Variants in ARL15 observed in about 807,000 individuals in gnomAD.
ARL15 encodes the protein ARF like GTPase 15.
Under a neutral mutation model 25.2 loss-of-function variants are expected in ARL15, and 19 were observed. The ratio of observed to expected loss-of-function variants is 0.75; its 90% CI spans 0.53 to 1.10. The LOEUF (loss-of-function observed/expected upper bound fraction) is 1.10. ARL15 is among the 50% of genes least tolerant of loss of function. The pLI, the probability that ARL15 is intolerant of heterozygous loss-of-function variation, is 0.00. For missense variants in ARL15, 220 were observed against 246.0 expected, an observed-to-expected ratio of 0.89 and a Z score of 0.71; for synonymous variants, 94 against 86.8, an observed-to-expected ratio of 1.08 and a Z score of -0.46.
chr5:54,280,715 G>A (rs1350502555), intron 1 of ARL15, among the ~76,000 whole-genome samples: 2 of 152,166 alleles, frequency 1.3e-5, no homozygotes, highest in Non-Finnish European at 1.5e-5. Context: ...CGAAGCAGAT[G>A]AGTAAACAAG....
At chr5:54,213,024 A>C (rs927970219) in intron 1 of ARL15, among the ~76,000 whole-genome samples, 3 of 152,228 alleles carry the variant, frequency 2.0e-5, no homozygotes, top group Non-Finnish European at 4.4e-5. Context: ...TTGTCTGATC[A>C]AGCAAACATA....
At chr5:54,074,800 A>G (rs1751541798) in intron 4 of ARL15, among the ~76,000 whole-genome samples, 1 of 152,096 alleles carries the variant, frequency 6.6e-6, no homozygotes, top group South Asian at 2.1e-4. Flanking sequence ...ATATCACATT[A>G]AAAATGCTCA....
intron 1 of ARL15, among the ~76,000 whole-genome samples, chr5:54,276,217 G>C (rs1258705620): frequency 6.6e-6 from 1 of 152,138 alleles, no homozygotes; most frequent in Non-Finnish European, 1.5e-5. Context: ...CTTTGTTTTA[G>C]AGTTTTGCAT....
At chr5:53,929,864 A>T (rs1398501089) in intron 4 of ARL15, among the ~76,000 whole-genome samples, 1 of 152,106 alleles carries the variant, frequency 6.6e-6, no homozygotes, top group Non-Finnish European at 1.5e-5. Context: ...TCTATTGCAG[A>T]AAAGGAAAGC....
At chr5:54,010,942 G>C (rs1489511244) in intron 4 of ARL15, among the ~76,000 whole-genome samples, 1 of 150,880 alleles carries the variant, frequency 6.6e-6, no homozygotes, top group Admixed American at 6.6e-5. Context: ...GGAGCTTGCA[G>C]TGAGCTGAGA....
intron 1 of ARL15, among the ~76,000 whole-genome samples, chr5:54,308,825 A>G (rs1758824384): frequency 6.6e-6 from 1 of 152,224 alleles, no homozygotes; most frequent in Admixed American, 6.5e-5. Context: ...AAATAAAGAA[A>G]ATAATAAAAT....
intron 4 of ARL15, among the ~76,000 whole-genome samples, chr5:53,887,707 A>C (rs1003310148): frequency 4.6e-5 from 7 of 152,208 alleles, no homozygotes; most frequent in Non-Finnish European, 8.8e-5. Context: ...ACATCAAAAG[A>C]GACATTGCTC....
chr5:53,972,281 G>A (rs1315290830), intron 4 of ARL15, among the ~76,000 whole-genome samples: 1 of 152,052 alleles, frequency 6.6e-6, no homozygotes, highest in Non-Finnish European at 1.5e-5. Context: ...CGCATTGATA[G>A]TCATTTTTCC....
chr5:54,051,381 C>T (rs1561203404), intron 4 of ARL15, among the ~76,000 whole-genome samples: 1 of 152,208 alleles, frequency 6.6e-6, no homozygotes, highest in Non-Finnish European at 1.5e-5. Context: ...ACACTTACAA[C>T]ATGCAGCTGA....
At chr5:54,003,705 TATC>T in intron 4 of ARL15, among the ~76,000 whole-genome samples, 1 of 148,596 alleles carries the variant, frequency 6.7e-6, no homozygotes, top group Non-Finnish European at 1.5e-5. Flanking sequence ...TCTATCTATC[TATC>T]TATCTATCTC....
At chr5:54,085,949 T>A (rs141595489) in intron 4 of ARL15, among the ~76,000 whole-genome samples, 336 of 151,766 alleles carry the variant, frequency 2.2e-3, no homozygotes, top group African/African-American at 7.8e-3. Context: ...CGTTTCACTC[T>A]TTTTGCCCAG....
intron 1 of ARL15, among the ~76,000 whole-genome samples, chr5:54,288,170 G>T: frequency 6.6e-6 from 1 of 152,240 alleles, no homozygotes; most frequent in East Asian, 1.9e-4. Context: ...AGTATGTGAA[G>T]AATGGCTGAG....
At chr5:54,128,506 T>C (rs183485044) in intron 3 of ARL15, among the ~76,000 whole-genome samples, 2 of 152,262 alleles carry the variant, frequency 1.3e-5, no homozygotes, top group East Asian at 3.9e-4. Context: ...CAAGTATGTA[T>C]TGAGTAGCTT....
intron 1 of ARL15, among the ~76,000 whole-genome samples, chr5:54,180,166 T>G (rs6893659): frequency 0.025 from 3,765 of 151,728 alleles, 142 homozygotes; most frequent in African/African-American, 0.086. Flanking sequence ...GTATGTAAAT[T>G]ATATCTCAAT....
intron 1 of ARL15, among the ~76,000 whole-genome samples, chr5:54,240,104 G>A (rs1478600896): frequency 6.6e-6 from 1 of 151,800 alleles, no homozygotes; most frequent in Non-Finnish European, 1.5e-5. Context: ...GCGGGCACCT[G>A]TAGTCCCAGC....
chr5:54,003,666 ATCTATCTATC>A (rs1561184616), intron 4 of ARL15, among the ~76,000 whole-genome samples: 1,675 of 52,924 alleles, frequency 0.032, 29 homozygotes, highest in African/African-American at 0.092. Flanking sequence ...TTTTCTTTCT[ATCTATCTATC>A]TATCTATCTA....
chr5:54,244,361 C>A (rs1757030995), intron 1 of ARL15, among the ~76,000 whole-genome samples: 1 of 152,052 alleles, frequency 6.6e-6, no homozygotes, highest in Admixed American at 6.6e-5. Flanking sequence ...TTAGAGAAAC[C>A]ACGCTCAACC....
intron 4 of ARL15, among the ~76,000 whole-genome samples, chr5:53,950,989 C>G (rs1375815317): frequency 6.6e-6 from 1 of 152,188 alleles, no homozygotes; most frequent in Non-Finnish European, 1.5e-5. Context: ...CCAGCCCACT[C>G]CCTGTTTTCA....
chr5:53,998,699 A>T (rs1272564350), intron 4 of ARL15, among the ~76,000 whole-genome samples: 2 of 152,210 alleles, frequency 1.3e-5, no homozygotes, highest in Non-Finnish European at 2.9e-5. Context: ...TTCAATATTA[A>T]TTCAGTGAAT....
Sources: allele counts gnomAD v4.1 joint callset (sites outside exome capture counted in the v4.1 genomes callset), GRCh38; gene constraint gnomAD v4.1.1; transcripts MANE v1.5; gene names NCBI Gene and HGNC (gene_info 2026-07-23, HGNC 2026-07-21).